Variants in RNASEH2C observed in about 807,000 individuals in gnomAD.
The protein encoded by RNASEH2C is ribonuclease H2 subunit C, also known as RNase H1 small subunit.
Under a neutral mutation model 16.3 loss-of-function variants are expected in RNASEH2C, and 20 were observed. That is an observed-to-expected ratio of 1.23 (90% CI 0.86 to 1.79). The LOEUF is 1.79. RNASEH2C is among the 40% of genes most tolerant of loss of function. The pLI is 0.00. For missense variants in RNASEH2C, 296 were observed against 235.9 expected (o/e 1.25, Z -1.67); for synonymous variants, 106 against 98.9 (o/e 1.07, Z -0.43).
Position 65,719,112 on chromosome 11 carries a change from G to C in RNASEH2C, c.*671C>G. The C allele has an allele frequency of 6.2e-7, 1 of 1,614,206 alleles. No individual in the cohort carries two copies. Among genetic ancestry groups the C allele is most frequent in the Non-Finnish European group, 8.5e-7 (1 of 1,180,032 alleles). ...GCCATGAGCGGGCCATGCTCAAGCG[G>C]CTCCTGCGGATCGACTCCAAGTGTC... On this transcript the variant is annotated 3_prime_UTR_variant, in exon 4 of 4. Transcript: ENST00000308418.
chr11:65,720,518 CCAGGCGATGAGAAGCGCG>C (rs1383910097), intron 1 of RNASEH2C, 51 bp downstream of exon 1: 1 of 1,557,884 alleles, frequency 6.4e-7, no homozygotes, highest in African/African-American at 1.4e-5. Flanking sequence ...CCCCAGGAGC[CCAGGCGATGAGAAGCGCG>C]CAGGCCGGCG....
Position 65,718,130 on chromosome 11 carries a change from C to T in RNASEH2C, c.*1653G>A, listed in dbSNP as rs1002252797. 1 of 156,754 alleles carries T rather than the reference C, an allele frequency of 6.4e-6. No homozygotes were observed. The highest frequency in any genetic ancestry group is 6.2e-5 in the Admixed American group (1 of 16,204). 9.7% of individuals were successfully genotyped at this position (156,754 alleles called of 1,614,324 possible). ...AACCACCCAGTCAGGCCACTCAAGT[C>T]TTACAGCAGGTGACACTCCCAAGGT... On this transcript the variant is annotated 3_prime_UTR_variant, in exon 4 of 4. Transcript: ENST00000308418.
chr11:65,719,579 C>A lies in RNASEH2C; in HGVS notation c.*204G>T, dbSNP rs1003237993. The A allele has an allele frequency of 1.5e-6, 1 of 658,986 alleles. No homozygotes were observed. Among genetic ancestry groups the A allele is most frequent in the Non-Finnish European group, 2.7e-6 (1 of 372,296 alleles). 40.8% of individuals were successfully genotyped at this position (658,986 alleles called of 1,614,324 possible). On this transcript the variant is annotated 3_prime_UTR_variant, in exon 4 of 4. Transcript: ENST00000308418. Reference sequence around the variant, plus strand: ...TGGCTTCTCTTACCCCTATTGCCCCCGGCAATAAATTGTTTCTATATGCCA... The same window carrying A: ...TGGCTTCTCTTACCCCTATTGCCCCAGGCAATAAATTGTTTCTATATGCCA...
Position 65,718,509 on chromosome 11 carries a change from G to GC in RNASEH2C, c.*1273dup, listed in dbSNP as rs1179118665. ...GGCCATGATAGGAACTAGGCAGCCT[G>GC]CCTTGGCAACCTGTGTTTTTAAATG... On this transcript the variant is annotated 3_prime_UTR_variant, in exon 4 of 4. Transcript: ENST00000308418. 6.8e-7 allele frequency: 1 copy of GC among 1,478,316 alleles called. No homozygotes were observed. Among genetic ancestry groups the GC allele is most frequent in the African/African-American group, 1.4e-5 (1 of 71,802 alleles). The allele number at this position is 1,478,316 out of a possible 1,614,324, so 91.6% of individuals were successfully genotyped here.
At position 65,718,410 on chromosome 11, in the gene RNASEH2C, AGAGT is replaced by A. The variant is rs1857279588; in HGVS notation, c.*1369_*1372del. ...CCTCCACTGTGCTCAGCGCACGGAA[AGAGT>A]GAATACTCAGTTCTTCCTGAGGGAA... On this transcript the variant is annotated 3_prime_UTR_variant, in exon 4 of 4. Transcript: ENST00000308418. 2.3e-5 allele frequency: 15 copies of A among 660,124 alleles called. No homozygotes were observed. Among genetic ancestry groups the A allele is most frequent in the Non-Finnish European group, 4.0e-5 (15 of 375,998 alleles). 40.9% of individuals were successfully genotyped at this position (660,124 alleles called of 1,614,324 possible).
rs1291739726 is a variant in RNASEH2C, at chr11:65,719,328, C to T, written c.*455G>A. ...GGAGAGGACAGGCCTGGCAGGGGCCCACTGGTGCCCAGCACCAAGGCGAGC... is the reference window on the plus strand; with the variant it reads ...GGAGAGGACAGGCCTGGCAGGGGCCTACTGGTGCCCAGCACCAAGGCGAGC... On this transcript the variant is annotated 3_prime_UTR_variant, in exon 4 of 4. Transcript: ENST00000308418. 2.0e-6 allele frequency: 2 copies of T among 996,030 alleles called. No individual in the cohort carries two copies. Among genetic ancestry groups the T allele is most frequent in the African/African-American group, 1.6e-5 (1 of 61,238 alleles). The allele number at this position is 996,030 out of a possible 1,614,324, so 61.7% of individuals were successfully genotyped here.
In RNASEH2C at chr11:65,720,014, G is replaced by A. The variant is rs754574469; in HGVS notation, c.468+31C>T. ...ATTGTGCTCCCCAGCCCATCCACCC[G>A]GGGGCAAGACGGAACTCCTCGTCTA... On this transcript the variant is annotated intron_variant, in intron 3 of 3. Transcript: ENST00000308418. 1.9e-5 allele frequency: 31 copies of A among 1,611,286 alleles called. No individual in the cohort carries two copies. The East Asian group carries it at 4.5e-4, about 23-fold the overall frequency.
At position 65,718,513 on chromosome 11, in the gene RNASEH2C, T is replaced by G; in HGVS notation, c.*1270A>C. The G allele has an allele frequency of 6.7e-7, 1 of 1,503,238 alleles. No individual in the cohort carries two copies. Among genetic ancestry groups the G allele is most frequent in the Non-Finnish European group, 9.1e-7 (1 of 1,101,450 alleles). The allele number at this position is 1,503,238 out of a possible 1,614,324, so 93.1% of individuals were successfully genotyped here. On this transcript the variant is annotated 3_prime_UTR_variant, in exon 4 of 4. Transcript: ENST00000308418. The stretch of plus-strand genomic sequence containing the variant: ...ATGATAGGAACTAGGCAGCCTGCCT[T>G]GGCAACCTGTGTTTTTAAATGTTGC...
intron 3 of RNASEH2C, 80 bp from the exon 4 acceptor site, chr11:65,719,889 C>G: frequency 6.2e-7 from 1 of 1,606,386 alleles, no homozygotes; most frequent in East Asian, 2.2e-5. Flanking sequence ...AAGGACCCAG[C>G]TGTTCAGAAT....
chr11:65,718,812 T>A lies in RNASEH2C; in HGVS notation c.*971A>T. 6.2e-7 allele frequency: 1 copy of A among 1,613,498 alleles called. No individual in the cohort carries two copies. The highest frequency in any genetic ancestry group is 8.5e-7 in the Non-Finnish European group (1 of 1,179,604). ...GGCTTGTCTGTTCCTGGGCTTTCTC[T>A]CTCAGGGCTCCTGGGGACAGATAAA... On this transcript the variant is annotated 3_prime_UTR_variant, in exon 4 of 4. Coordinates refer to ENST00000308418, the MANE Select transcript of RNASEH2C (RefSeq NM_032193.4).
rs1200334062 is a variant in RNASEH2C at position 65,720,321 on chromosome 11, TTCTTC to T, written c.264_268del (p.Lys89GlyfsTer15). On this transcript the variant is annotated frameshift_variant, in exon 2 of 4. Transcript: ENST00000308418. LOFTEE classifies it high-confidence loss of function. ...GGGGTCTGGCTTCCCCATCGACACC[TTCTTC>T]TCTTCTGTCACCATCACGTATCCCA... 4 of 1,601,922 alleles carry T rather than the reference TTCTTC, an allele frequency of 2.5e-6. No homozygotes were observed. Among genetic ancestry groups the T allele is most frequent in the African/African-American group, 2.7e-5 (2 of 74,914 alleles).
chr11:65,718,589 G>C lies in RNASEH2C; in HGVS notation c.*1194C>G. 1.9e-6 allele frequency: 3 copies of C among 1,613,976 alleles called. No homozygotes were observed. Among genetic ancestry groups the C allele is most frequent in the Non-Finnish European group, 2.5e-6 (3 of 1,179,920 alleles). ...CACCCTCTCCTGCTCCATTGCTTTA[G>C]GCTATGAACTCTCCAAAGTGGAAGG... On this transcript the variant is annotated 3_prime_UTR_variant, in exon 4 of 4. Coordinates refer to ENST00000308418, the MANE Select transcript of RNASEH2C (RefSeq NM_032193.4).
intron 1 of RNASEH2C, 56 bp from the exon 2 acceptor site, chr11:65,720,473 A>G (rs1315432421): frequency 6.2e-7 from 1 of 1,601,676 alleles, no homozygotes; most frequent in Admixed American, 1.7e-5. Context: ...TCGAGCCCGG[A>G]GCTGCCCTCC....
rs1222834235 is a variant in RNASEH2C, at chr11:65,720,376, C to T, written c.214G>A (p.Glu72Lys). The T allele has an allele frequency of 6.2e-7, 1 of 1,614,226 alleles. No individual in the cohort carries two copies. The change falls in exon 2 of 4, where the codon GAG (glutamate) becomes AAG (lysine). Residue 72 changes from glutamate (E) to lysine (K), a missense_variant. Physicochemically the swap from Glu to Lys is moderately conservative, Grantham distance 56. Coordinates refer to ENST00000308418, the MANE Select transcript of RNASEH2C (RefSeq NM_032193.4). ...ACGAGGCCAGGCGGCACCGCCACCTCCTCTCCCCGTAGACAGCGGCCCCGA... is the reference window on the plus strand; with the variant it reads ...ACGAGGCCAGGCGGCACCGCCACCTTCTCTCCCCGTAGACAGCGGCCCCGA... ...SFRGRCLRGE[E>K]VAVPPGLVGY... is the part of the protein sequence containing the mutation.
chr11:65,719,323 G>C lies in RNASEH2C; in HGVS notation c.*460C>G. Reference sequence around the variant, plus strand: ...AAAAAGGAGAGGACAGGCCTGGCAGGGGCCCACTGGTGCCCAGCACCAAGG... The same window carrying C: ...AAAAAGGAGAGGACAGGCCTGGCAGCGGCCCACTGGTGCCCAGCACCAAGG... On this transcript the variant is annotated 3_prime_UTR_variant, in exon 4 of 4. Transcript: ENST00000308418. 1.9e-6 allele frequency: 2 copies of C among 1,046,914 alleles called. No homozygotes were observed. Among genetic ancestry groups the C allele is most frequent in the Non-Finnish European group, 2.7e-6 (2 of 740,566 alleles). 64.9% of individuals were successfully genotyped at this position (1,046,914 alleles called of 1,614,324 possible).
In RNASEH2C at chr11:65,719,553, C is replaced by T. The variant is rs1025637201; in HGVS notation, c.*230G>A. On this transcript the variant is annotated 3_prime_UTR_variant, in exon 4 of 4. Transcript: ENST00000308418. The stretch of plus-strand genomic sequence containing the variant: ...GGGTGGGTGCTGGCTGCAAAAATTT[C>T]TGGCTTCTCTTACCCCTATTGCCCC... The T allele has an allele frequency of 4.5e-5, 28 of 622,502 alleles. No individual in the cohort carries two copies. The highest frequency in any genetic ancestry group is 4.2e-4 in the Middle Eastern group (1 of 2,364). The allele number at this position is 622,502 out of a possible 1,614,324, so 38.6% of individuals were successfully genotyped here.
rs1565211380 is a variant in RNASEH2C, at chr11:65,718,556, C to T, written c.*1227G>A. The T allele has an allele frequency of 6.3e-7, 1 of 1,598,290 alleles. No individual in the cohort carries two copies. Among genetic ancestry groups the T allele is most frequent in the Non-Finnish European group, 8.5e-7 (1 of 1,169,904 alleles). ...AATGTTGCTTATGTTCATCTGTGAC[C>T]TCTTACTCACCCTCTCCTGCTCCAT... On this transcript the variant is annotated 3_prime_UTR_variant, in exon 4 of 4. Transcript: ENST00000308418.
chr11:65,718,519 C>G lies in RNASEH2C; in HGVS notation c.*1264G>C, dbSNP rs1857283544. On this transcript the variant is annotated 3_prime_UTR_variant, in exon 4 of 4. Transcript: ENST00000308418. ...GGAACTAGGCAGCCTGCCTTGGCAA[C>G]CTGTGTTTTTAAATGTTGCTTATGT... 1 of 1,532,460 alleles carries G rather than the reference C, an allele frequency of 6.5e-7. No individual in the cohort carries two copies. Among genetic ancestry groups the G allele is most frequent in the South Asian group, 1.2e-5 (1 of 84,084 alleles). The allele number at this position is 1,532,460 out of a possible 1,614,324, so 94.9% of individuals were successfully genotyped here.
intron 3 of RNASEH2C, 31 bp downstream of exon 3, chr11:65,720,013 CG>C (rs1565213133): frequency 6.2e-7 from 1 of 1,611,666 alleles, no homozygotes; most frequent in South Asian, 1.1e-5. Context: ...CCCATCCACC[CG>C]GGGGCAAGAC....
Sources: gnomAD v4.1 joint callset for allele counts on GRCh38, gnomAD v4.1.1 for gene constraint, MANE v1.5 for transcripts, NCBI Gene and HGNC (gene_info 2026-07-23, HGNC 2026-07-21) for gene names.